The following PI4KA variants were observed in gnomAD, a reference collection of about 807,000 sequenced individuals.
PI4KA encodes PI4-kinase alpha.
Under a neutral mutation model 271.4 loss-of-function variants are expected in PI4KA, and 122 were observed. The ratio of observed to expected loss-of-function variants is 0.45; its 90% confidence interval spans 0.39 to 0.52. The LOEUF is 0.52. Ranked by LOEUF, PI4KA falls within the 20% of genes least tolerant of loss-of-function variation. PI4KA has a pLI of 0.00. For missense variants in PI4KA, 1,969 were observed against 2,769.1 expected (o/e 0.71, Z 6.48); for synonymous variants, 1,041 against 1,078.8 (o/e 0.96, Z 0.69).
intron 36 of PI4KA, among the ~76,000 whole-genome samples, chr22:20,731,205 A>G (rs1928006363): frequency 6.6e-6 from 1 of 152,184 alleles, no homozygotes; most frequent in Non-Finnish European, 1.5e-5. Flanking sequence ...ATAAAATAGA[A>G]TAAAACAAAT....
intron 14 of PI4KA, among the ~76,000 whole-genome samples, chr22:20,801,185 A>C (rs73390412): frequency 0.042 from 6,330 of 151,212 alleles, 414 homozygotes; most frequent in African/African-American, 0.14. Context: ...CCACCACACC[A>C]GGCCTCTTAT....
In PI4KA at chr22:20,742,765, C is replaced by G; in HGVS notation, c.3457-1G>C. ...CTGAGAACCGAATCATTCCATACAC[C>G]TGCAAAAACATTCTCATCAGCAACT... On this transcript the variant is annotated splice_acceptor_variant, in intron 30 of 54. Coordinates refer to ENST00000255882, the MANE Select transcript of PI4KA (RefSeq NM_058004.4). LOFTEE classifies it high-confidence loss of function. The G allele has an allele frequency of 6.2e-7, 1 of 1,614,006 alleles. No homozygotes were observed.
chr22:20,799,278 T>C lies in PI4KA; in HGVS notation c.1821-2A>G. 2.0e-6 allele frequency: 3 copies of C among 1,515,200 alleles called. No homozygotes were observed. The highest frequency in any genetic ancestry group is 2.6e-6 in the Non-Finnish European group (3 of 1,135,322). The allele number at this position is 1,515,200 out of a possible 1,614,324, so 93.9% of individuals were successfully genotyped here. A position where few individuals can be genotyped will look rare whatever the true frequency, so the allele number is the denominator to read the frequency against. On this transcript the variant is annotated splice_acceptor_variant, in intron 15 of 54. Coordinates refer to ENST00000255882, the MANE Select transcript of PI4KA (RefSeq NM_058004.4). LOFTEE classifies it high-confidence loss of function. ...TGGTCGGGAATCAAGTGAGCGTCCC[T>C]ACAGAAGGAAGAACAGAAGCGCCCT...
intron 26 of PI4KA, 133 bp downstream of exon 26, chr22:20,751,541 C>T: frequency 1.0e-6 from 1 of 960,062 alleles, no homozygotes; most frequent in East Asian, 2.5e-5. Context: ...TCACCCCCAA[C>T]TCGACACCTG....
At chr22:20,849,306 C>G (rs1251902138) in intron 1 of PI4KA, among the ~76,000 whole-genome samples, 1 of 152,104 alleles carries the variant, frequency 6.6e-6, no homozygotes, top group South Asian at 2.1e-4. Flanking sequence ...AAGGTTAAAC[C>G]TAGAGTTATT....
At chr22:20,760,687 T>G (rs1931871942) in intron 23 of PI4KA, among the ~76,000 whole-genome samples, 1 of 152,196 alleles carries the variant, frequency 6.6e-6, no homozygotes, top group Admixed American at 6.5e-5. Flanking sequence ...TTTATTCTTA[T>G]CTTAGCTTTG....
chr22:20,821,888 C>T (rs979916018), intron 4 of PI4KA, among the ~76,000 whole-genome samples: 1 of 152,210 alleles, frequency 6.6e-6, no homozygotes, highest in Admixed American at 6.5e-5. Context: ...AGCCACTGTG[C>T]CCAGCCAATC....
intron 50 of PI4KA, 27 bp downstream of exon 50, chr22:20,712,459 C>T (rs2539906): frequency 3.2e-5 from 52 of 1,605,062 alleles, no homozygotes; most frequent in Admixed American, 6.8e-5. Flanking sequence ...CACACGACCT[C>T]CCCCGGCCTG....
At chr22:20,817,749 A>G (rs1369345431) in intron 7 of PI4KA, among the ~76,000 whole-genome samples, 1 of 136,322 alleles carries the variant, frequency 7.3e-6, no homozygotes, top group Non-Finnish European at 1.6e-5. Context: ...AAAAAAAAAA[A>G]AAAAAAAAAA....
rs569038066 is a variant in PI4KA at position 20,842,004 on chromosome 22, T to C, written c.157-3273A>G. ...GCTGAAGTGGGTGGATCACCTGAGG[T>C]TAGGAGTTCAAGACTAGCCTAGCCA... On this transcript the variant is annotated intron_variant, in intron 1 of 54. Coordinates refer to ENST00000255882, the MANE Select transcript of PI4KA (RefSeq NM_058004.4). Among the ~76,000 whole-genome samples, 6 of 151,826 alleles carry C rather than the reference T, an allele frequency of 4.0e-5. No homozygotes were observed. The South Asian group carries it at 1.3e-3, about 32-fold the overall frequency.
chr22:20,728,445 C>T (rs1365575374), intron 39 of PI4KA, among the ~76,000 whole-genome samples: 1 of 152,108 alleles, frequency 6.6e-6, no homozygotes. Context: ...TTCCTTTCAC[C>T]ATCCTTGTCT....
At chr22:20,767,967 ATT>A (rs1932686714) in intron 19 of PI4KA, among the ~76,000 whole-genome samples, 3 of 145,698 alleles carry the variant, frequency 2.1e-5, no homozygotes, top group Middle Eastern at 7.1e-3. Context: ...TATTATTATT[ATT>A]ATTATTATTT....
Position 20,775,941 on chromosome 22 carries a change from G to A in PI4KA, c.2329-10248C>T, listed in dbSNP as rs79263600. Among the ~76,000 whole-genome samples, 450 of 152,324 alleles carry A rather than the reference G, an allele frequency of 3.0e-3. 2 individuals are homozygous for A. Among genetic ancestry groups the A allele is most frequent in the African/African-American group, 0.01 (423 of 41,564 alleles). On this transcript the variant is annotated intron_variant, in intron 19 of 54. Coordinates refer to ENST00000255882, the MANE Select transcript of PI4KA (RefSeq NM_058004.4). ...CTATTGATACACAGTCTCCTGATAT[G>A]TAAAATGCTGGGAGGATGAAGCTAA...
chr22:20,810,919 C>A lies in PI4KA; in HGVS notation c.1071+48G>T, dbSNP rs755083216. ...AAACTCTTCCTGCTTTCTCTACACA[C>A]GTTTAAGTCAGGCTGATCTCATGGT... is the stretch of plus-strand genomic sequence containing the variant. On this transcript the variant is annotated intron_variant, in intron 9 of 54. Transcript: ENST00000255882. The A allele has an allele frequency of 3.6e-6, 5 of 1,381,020 alleles. No homozygotes were observed. In the Admixed American group the frequency reaches 6.7e-5, roughly 19 times the overall value. The allele number at this position is 1,381,020 out of a possible 1,614,324, so 85.5% of individuals were successfully genotyped here.
chr22:20,766,931 A>C (rs1159922865), intron 19 of PI4KA, among the ~76,000 whole-genome samples: 1 of 152,194 alleles, frequency 6.6e-6, no homozygotes, highest in Non-Finnish European at 1.5e-5. Flanking sequence ...GCAGGACTGT[A>C]AACTGTCACA....
At chr22:20,779,697 C>T in intron 19 of PI4KA, 1 of 1,614,252 alleles carries the variant, frequency 6.2e-7, no homozygotes, top group Non-Finnish European at 8.5e-7. Context: ...TCTTAACATC[C>T]TCAACGCCAA....
chr22:20,722,681 C>T (rs1020801284), intron 42 of PI4KA, among the ~76,000 whole-genome samples: 1 of 152,102 alleles, frequency 6.6e-6, no homozygotes, highest in Non-Finnish European at 1.5e-5. Flanking sequence ...TAATTCCATG[C>T]CCTAGGTTTA....
rs79936289 is a variant in PI4KA at position 20,840,716 on chromosome 22, C to T, written c.157-1985G>A. ...AGAGATTACTTTAGTTGCCTCTTTACCACACTAGAAAGTATCCAGGCCAGG... is the reference window on the plus strand; with the variant it reads ...AGAGATTACTTTAGTTGCCTCTTTATCACACTAGAAAGTATCCAGGCCAGG... On this transcript the variant is annotated intron_variant, in intron 1 of 54. Transcript: ENST00000255882. 6.5e-3 allele frequency among the ~76,000 whole-genome samples: 986 copies of T among 152,176 alleles called. 14 individuals carry two copies. Among genetic ancestry groups the T allele is most frequent in the African/African-American group, 0.023 (939 of 41,508 alleles).
intron 1 of PI4KA, among the ~76,000 whole-genome samples, chr22:20,850,673 G>A (rs532933219): frequency 3.1e-4 from 47 of 151,846 alleles, no homozygotes; most frequent in Non-Finnish European, 5.7e-4. Flanking sequence ...TCCTGACCTC[G>A]TGATCCGCCC....
Sources: allele counts gnomAD v4.1 joint callset (sites outside exome capture counted in the v4.1 genomes callset), GRCh38; gene constraint gnomAD v4.1.1; transcripts MANE v1.5; gene names NCBI Gene and HGNC (gene_info 2026-07-23, HGNC 2026-07-21).